Variants in DYNC1H1 observed in about 807,000 individuals in gnomAD.
DYNC1H1 encodes cytoplasmic dynein 1 heavy chain 1.
In DYNC1H1, 51 loss-of-function variants were observed where a neutral mutation model predicts 527.1. The observed-to-expected ratio is 0.10, with a 90% CI of 0.08 to 0.12. The LOEUF is 0.12. DYNC1H1 is among the 10% of genes least tolerant of loss of function. The pLI is 1.00. For missense variants in DYNC1H1, 2,771 were observed against 5,971.8 expected, an observed-to-expected ratio of 0.46 and a Z score of 17.66; for synonymous variants, 2,189 against 2,278.8, an observed-to-expected ratio of 0.96 and a Z score of 1.12.
rs2048325564 is a variant in DYNC1H1, at chr14:102,016,601, A to T, written c.7614+112A>T. On this transcript the variant is annotated intron_variant, in intron 37 of 77. Coordinates refer to ENST00000360184, the MANE Select transcript of DYNC1H1 (RefSeq NM_001376.5). This position sits in a 1 kb window ranked among gnomAD's most constrained non-coding sequence, Gnocchi z 7.3. ...TCGTCTTTTCATTTTATTCCATTTC[A>T]TAGAAGGACTTTATCCTTTTAGTTC... 13 of 1,594,334 alleles carry T rather than the reference A, an allele frequency of 8.2e-6. No individual in the cohort carries two copies. Among genetic ancestry groups the T allele is most frequent in the Admixed American group, 1.7e-5 (1 of 59,328 alleles).
Position 102,015,899 on chromosome 14 carries a change from C to G in DYNC1H1, c.7286C>G (p.Ser2429Cys), listed in dbSNP as rs1468721324. ...AATIMQPYFT[S>C]NGLVTKALEH... ...ACGATCATGCAACCGTACTTCACGT[C>G]CAACGGCCTGGTCACCAAGGCGCTA... Residue 2429 changes from serine to cysteine, a missense_variant, in exon 36 of 78, where the codon TCC becomes TGC. Ser to Cys is a moderately radical substitution (Grantham distance 112). Transcript: ENST00000360184. The surrounding 1 kb of genome is among the most constrained non-coding windows in gnomAD (Gnocchi z 6.9). 2 of 1,614,242 alleles carry G rather than the reference C, an allele frequency of 1.2e-6. No individual in the cohort carries two copies. Among genetic ancestry groups the G allele is most frequent in the Admixed American group, 3.3e-5 (2 of 60,030 alleles).
At chr14:102,000,812 G>C in intron 18 of DYNC1H1, 142 bp from the exon 19 acceptor site, 1 of 749,916 alleles carries the variant, frequency 1.3e-6, no homozygotes, top group Non-Finnish European at 2.4e-6. Flanking sequence ...GACCTCAAGT[G>C]ATCTGCTCGC....
intron 34 of DYNC1H1, among the ~76,000 whole-genome samples, chr14:102,014,225 C>T (rs2048293370): frequency 6.6e-6 from 1 of 152,176 alleles, no homozygotes; most frequent in South Asian, 2.1e-4. Context: ...CAGCAAGTCA[C>T]CTGCGCCATC....
At chr14:102,019,802 T>C (rs1178114782) in intron 41 of DYNC1H1, 91 bp from the exon 42 acceptor site, 2 of 1,520,940 alleles carry the variant, frequency 1.3e-6, no homozygotes, top group African/African-American at 1.4e-5. Flanking sequence ...GGTTCTTTAA[T>C]GTAAACATGT....
rs1369627542 is a variant in DYNC1H1, at chr14:101,995,255, G to A, written c.3519G>A (p.Val1173=). 1.9e-6 allele frequency: 3 copies of A among 1,614,098 alleles called. No individual in the cohort carries two copies. Among genetic ancestry groups the A allele is most frequent in the Non-Finnish European group, 2.5e-6 (3 of 1,180,050 alleles). Residue 1173 remains valine (V), a synonymous_variant, in exon 15 of 78, where the codon GTG becomes GTA. Transcript: ENST00000360184. ...TSDAVTFITY[V]QSLKRKIKQF... Reference sequence around the variant, plus strand: ...ATGCAGTGACCTTCATCACCTATGTGCAGTCTTTGAAACGGAAGATCAAGC... The same window carrying A: ...ATGCAGTGACCTTCATCACCTATGTACAGTCTTTGAAACGGAAGATCAAGC...
chr14:102,002,790 A>C lies in DYNC1H1; in HGVS notation c.4710-2A>C. 6.2e-7 allele frequency: 1 copy of C among 1,614,260 alleles called. No individual in the cohort carries two copies. Among genetic ancestry groups the C allele is most frequent in the Non-Finnish European group, 8.5e-7 (1 of 1,180,044 alleles). Reference sequence around the variant, plus strand: ...TGACGCATGTTTTAATTTCATTTGTAGCATCAGCACTGAGTTTTTGGCTCT... The same window carrying C: ...TGACGCATGTTTTAATTTCATTTGTCGCATCAGCACTGAGTTTTTGGCTCT... On this transcript the variant is annotated splice_acceptor_variant, in intron 22 of 77. Transcript: ENST00000360184. LOFTEE classifies it high-confidence loss of function. This position sits in a 1 kb window ranked among gnomAD's most constrained non-coding sequence, Gnocchi z 4.4.
chr14:102,009,058 T>C (rs1374560275), intron 29 of DYNC1H1, among the ~76,000 whole-genome samples: 1 of 152,132 alleles, frequency 6.6e-6, no homozygotes, highest in Non-Finnish European at 1.5e-5. Flanking sequence ...GTCTGGCCAG[T>C]GTTCTGCCAT....
rs1298003607 is a variant in DYNC1H1, at chr14:101,965,454, C to T, written c.256+507C>T. Reference sequence around the variant, plus strand: ...GGGGGCAGACCCGCGGAGCTGGGGGCAGCCGGGGTTCTGGTTCGGGAGGAG... The same window carrying T: ...GGGGGCAGACCCGCGGAGCTGGGGGTAGCCGGGGTTCTGGTTCGGGAGGAG... On this transcript the variant is annotated intron_variant, in intron 1 of 77. Coordinates refer to ENST00000360184, the MANE Select transcript of DYNC1H1 (RefSeq NM_001376.5). The surrounding 1 kb of genome is among the most constrained non-coding windows in gnomAD (Gnocchi z 4.1). Among the ~76,000 whole-genome samples the T allele has an allele frequency of 2.6e-5, 4 of 152,180 alleles. No individual in the cohort carries two copies. The highest frequency in any genetic ancestry group is 5.9e-5 in the Non-Finnish European group (4 of 68,028).
intron 16 of DYNC1H1, among the ~76,000 whole-genome samples, chr14:101,998,293 C>T (rs552375477): frequency 1.2e-4 from 18 of 146,706 alleles, no homozygotes; most frequent in African/African-American, 4.3e-4. Flanking sequence ...ATAACACAAA[C>T]GCCTGGACCC....
At chr14:101,973,985 C>G (rs1310952267) in intron 1 of DYNC1H1, among the ~76,000 whole-genome samples, 1 of 152,174 alleles carries the variant, frequency 6.6e-6, no homozygotes, top group African/African-American at 2.4e-5. Context: ...CTCCACCACC[C>G]ATTTTACACC....
intron 51 of DYNC1H1, among the ~76,000 whole-genome samples, chr14:102,031,298 A>G (rs1251542606): frequency 6.6e-6 from 1 of 152,134 alleles, no homozygotes; most frequent in East Asian, 1.9e-4. Context: ...TAGTGGTGCA[A>G]CCATGGCTCA....
chr14:102,006,920 G>T, intron 27 of DYNC1H1, 88 bp from the exon 28 acceptor site: 1 of 1,450,658 alleles, frequency 6.9e-7, no homozygotes, highest in Non-Finnish European at 9.6e-7. Flanking sequence ...TTTTTTAAAT[G>T]AGTTGCTTTT....
intron 15 of DYNC1H1, among the ~76,000 whole-genome samples, chr14:101,996,820 G>C (rs1269312700): frequency 2.0e-5 from 3 of 151,314 alleles, no homozygotes. Context: ...ATGAAGTCCT[G>C]CCATGTTGCC....
Position 102,042,510 on chromosome 14 carries a change from G to T in DYNC1H1, c.12399+3G>T, listed in dbSNP as rs1392373699. On this transcript the variant is annotated splice_donor_region_variant and intron_variant, in intron 68 of 77. Transcript: ENST00000360184. The surrounding 1 kb of genome is among the most constrained non-coding windows in gnomAD (Gnocchi z 5.7). ...TCACCATGGAGATCAACCCCAAGGT[G>T]GGTGGTTGAAGGAGTGGAGACGTTG... The T allele has an allele frequency of 6.2e-7, 1 of 1,614,116 alleles. No homozygotes were observed. The highest frequency in any genetic ancestry group is 2.2e-5 in the East Asian group (1 of 44,852).
chr14:102,038,982 G>T lies in DYNC1H1; in HGVS notation c.11207-19G>T, dbSNP rs2048610504. The T allele has an allele frequency of 6.2e-7, 1 of 1,613,994 alleles. No individual in the cohort carries two copies. The highest frequency in any genetic ancestry group is 8.5e-7 in the Non-Finnish European group (1 of 1,180,036). ...TTTTGAAGGATTATTGCAAACTCTG[G>T]ATGTTTTATTCATTTAAGGGGAATT... On this transcript the variant is annotated intron_variant, in intron 59 of 77. Coordinates refer to ENST00000360184, the MANE Select transcript of DYNC1H1 (RefSeq NM_001376.5). This position sits in a 1 kb window ranked among gnomAD's most constrained non-coding sequence, Gnocchi z 7.2.
At chr14:101,966,763 A>G (rs1169975082) in intron 1 of DYNC1H1, among the ~76,000 whole-genome samples, 1 of 152,126 alleles carries the variant, frequency 6.6e-6, no homozygotes, top group Non-Finnish European at 1.5e-5. Flanking sequence ...CTTTGCTTCT[A>G]GAGTGATCAC....
Position 102,049,665 on chromosome 14 carries a change from C to T in DYNC1H1, c.13516-49C>T, listed in dbSNP as rs373077560. 7.4e-6 allele frequency: 12 copies of T among 1,613,452 alleles called. No individual in the cohort carries two copies. The highest frequency in any genetic ancestry group is 1.3e-5 in the African/African-American group (1 of 74,926). The stretch of plus-strand genomic sequence containing the variant: ...AGTGGCTCTGGGGAAAAACACAGGG[C>T]CCAGGTCTGACCTGAGCTCCTTCCC... On this transcript the variant is annotated intron_variant, in intron 75 of 77. Transcript: ENST00000360184. The surrounding 1 kb of genome is among the most constrained non-coding windows in gnomAD (Gnocchi z 5.5).
Position 102,008,139 on chromosome 14 carries a change from A to G in DYNC1H1, c.5818-39A>G, listed in dbSNP as rs1433298817. On this transcript the variant is annotated intron_variant, in intron 28 of 77. Coordinates refer to ENST00000360184, the MANE Select transcript of DYNC1H1 (RefSeq NM_001376.5). ...GGAGAGGGGAGACAATTGAGGGCAC[A>G]GCAGGTGGTTTTAGCGCCTTTCTTC... The G allele has an allele frequency of 1.9e-6, 3 of 1,611,756 alleles. No individual in the cohort carries two copies. The African/African-American group carries it at 4.0e-5, about 22-fold the overall frequency.
In DYNC1H1 at chr14:102,006,022, G is replaced by T; in HGVS notation, c.5568G>T (p.Gln1856His). Reference sequence around the variant, plus strand: ...CTAAGCAAACTGATGTGTTACAGCAGTTGTCAATTCAAATGGCAAATGCCA... The same window carrying T: ...CTAAGCAAACTGATGTGTTACAGCATTTGTCAATTCAAATGGCAAATGCCA... ...FDPKQTDVLQ[Q>H]LSIQMANAKF... Residue 1856 changes from glutamine to histidine, a missense_variant, in exon 27 of 78, where the codon CAG (glutamine) becomes CAT (histidine). Gln to His is a conservative substitution (Grantham distance 24). Around this residue, in one of 32 missense-constraint regions of DYNC1H1, gnomAD observed 64 missense variants for 143.4 expected, o/e 0.45. Coordinates refer to ENST00000360184, the MANE Select transcript of DYNC1H1 (RefSeq NM_001376.5). The T allele has an allele frequency of 6.2e-7, 1 of 1,614,246 alleles. No individual in the cohort carries two copies. Among genetic ancestry groups the T allele is most frequent in the Non-Finnish European group, 8.5e-7 (1 of 1,180,042 alleles).
Sources: allele counts gnomAD v4.1 joint callset (sites outside exome capture counted in the v4.1 genomes callset), GRCh38; gene constraint gnomAD v4.1.1; regional missense constraint gnomAD v4.1.1; non-coding constraint Gnocchi (gnomAD v3.1); transcripts MANE v1.5; gene names NCBI Gene and HGNC (gene_info 2026-07-23, HGNC 2026-07-21).